COL24A1: variants seen among roughly 807,000 people sequenced by gnomAD.
The protein encoded by COL24A1 is collagen type XXIV alpha 1 chain.
A neutral mutation model predicts 253.9 loss-of-function variants in COL24A1; 224 were observed. The ratio of observed to expected loss-of-function variants is 0.88; its 90% CI spans 0.79 to 0.99. COL24A1 has a LOEUF of 0.99. Among genes scored for constraint, COL24A1 ranks in the 50% least tolerant of loss-of-function variants. The pLI is 0.00. For missense variants in COL24A1, 2,131 were observed against 2,068.5 expected (o/e 1.03, Z -0.59); for synonymous variants, 685 against 673.7 (o/e 1.02, Z -0.26).
At chr1:85,856,575 C>A (rs900627187) in intron 37 of COL24A1, among the ~76,000 whole-genome samples, 3 of 152,084 alleles carry the variant, frequency 2.0e-5, no homozygotes, top group Admixed American at 6.6e-5. Flanking sequence ...TTCTGATTAC[C>A]CTACCTAATG....
chr1:86,055,813 C>G (rs904389347), intron 10 of COL24A1, among the ~76,000 whole-genome samples: 1 of 151,998 alleles, frequency 6.6e-6, no homozygotes, highest in Admixed American at 6.6e-5. Context: ...CATCAAAAGT[C>G]ACAAAGCTAG....
In COL24A1 at chr1:85,971,906, GAA is replaced by G. The variant is rs1258568340; in HGVS notation, c.2365-515_2365-514del. 1.5e-4 allele frequency among the ~76,000 whole-genome samples: 23 copies of G among 152,278 alleles called. No individual in the cohort carries two copies. In the South Asian group the frequency reaches 3.5e-3, roughly 23 times the overall value. Reference sequence around the variant, plus strand: ...TTTTTGATACAAGATGATAAAAAGAGAAGAGGAATTTGCAGAAGAAAGTGAGT... The same window carrying G: ...TTTTTGATACAAGATGATAAAAAGAGGAGGAATTTGCAGAAGAAAGTGAGT... On this transcript the variant is annotated intron_variant, in intron 20 of 59. Coordinates refer to ENST00000370571, the MANE Select transcript of COL24A1 (RefSeq NM_152890.7).
intron 32 of COL24A1, among the ~76,000 whole-genome samples, chr1:85,886,067 CT>C (rs945817271): frequency 1.0e-3 from 152 of 145,918 alleles, no homozygotes; most frequent in Non-Finnish European, 1.1e-3. Context: ...CACACAATAA[CT>C]TTTTTTTTTT....
intron 18 of COL24A1, among the ~76,000 whole-genome samples, chr1:86,020,228 TG>T (rs1697398404): frequency 2.0e-5 from 3 of 151,878 alleles, no homozygotes; most frequent in Non-Finnish European, 2.9e-5. Flanking sequence ...CCACTATGCC[TG>T]GGTAATTTTT....
At chr1:86,098,398 AT>A (rs1208234859) in intron 5 of COL24A1, among the ~76,000 whole-genome samples, 1 of 92,974 alleles carries the variant, frequency 1.1e-5, no homozygotes, top group East Asian at 2.6e-4. Context: ...CTTCCCCCAA[AT>A]GCTGGATATA....
At chr1:86,100,044 C>A (rs944244597) in intron 5 of COL24A1, among the ~76,000 whole-genome samples, 1 of 151,892 alleles carries the variant, frequency 6.6e-6, no homozygotes, top group Non-Finnish European at 1.5e-5. Context: ...ATGTTTATTG[C>A]GGCACTATTC....
Position 85,868,644 on chromosome 1 carries a change from A to G in COL24A1, c.3193-18T>C, listed in dbSNP as rs1290533478. On this transcript the variant is annotated intron_variant, in intron 36 of 59. Transcript: ENST00000370571. ...GGTACTCCCTGTAATGCAATAAAAAAGTTTTCTATAAAGGAATACAGTGAA... is the reference window on the plus strand; with the variant it reads ...GGTACTCCCTGTAATGCAATAAAAAGGTTTTCTATAAAGGAATACAGTGAA... 1 of 1,602,260 alleles carries G rather than the reference A, an allele frequency of 6.2e-7. No individual in the cohort carries two copies.
chr1:85,999,835 A>T (rs141181982), intron 19 of COL24A1, among the ~76,000 whole-genome samples: 1 of 152,146 alleles, frequency 6.6e-6, no homozygotes, highest in African/African-American at 2.4e-5. Flanking sequence ...CACCTGGGAG[A>T]TGAGAGGGGG....
chr1:85,743,695 T>C (rs567340829), intron 57 of COL24A1, among the ~76,000 whole-genome samples: 1 of 152,302 alleles, frequency 6.6e-6, no homozygotes, highest in African/African-American at 2.4e-5. Context: ...AGAATTACAC[T>C]TTAATGCCCT....
intron 47 of COL24A1, among the ~76,000 whole-genome samples, chr1:85,808,591 A>T (rs1672217952): frequency 6.6e-6 from 1 of 152,246 alleles, no homozygotes; most frequent in Non-Finnish European, 1.5e-5. Context: ...CTGAGCAGAT[A>T]TCTTTATATT....
chr1:86,087,420 T>C (rs993925884), intron 7 of COL24A1, among the ~76,000 whole-genome samples: 1 of 152,210 alleles, frequency 6.6e-6, no homozygotes, highest in African/African-American at 2.4e-5. Context: ...AATGATAATC[T>C]GCTCTAATGG....
chr1:85,745,513 A>G lies in COL24A1; in HGVS notation c.4438-7T>C. 1 of 1,605,722 alleles carries G rather than the reference A, an allele frequency of 6.2e-7. No individual in the cohort carries two copies. The highest frequency in any genetic ancestry group is 8.5e-7 in the Non-Finnish European group (1 of 1,176,300). On this transcript the variant is annotated splice_region_variant and splice_polypyrimidine_tract_variant and intron_variant, in intron 55 of 59. Coordinates refer to ENST00000370571, the MANE Select transcript of COL24A1 (RefSeq NM_152890.7). The stretch of plus-strand genomic sequence containing the variant: ...CATTGATATCCATTTGCTTCTGTGT[A>G]AAACAAAACCATTTGAGATTAGCAA...
chr1:85,772,068 C>T (rs1287241903), intron 53 of COL24A1, among the ~76,000 whole-genome samples: 7 of 145,120 alleles, frequency 4.8e-5, no homozygotes, highest in Non-Finnish European at 9.0e-5. Flanking sequence ...TTTGTTCTTG[C>T]GATAGTTTAC....
chr1:86,074,900 A>G (rs1330708251), intron 7 of COL24A1, among the ~76,000 whole-genome samples: 1 of 152,208 alleles, frequency 6.6e-6, no homozygotes, highest in African/African-American at 2.4e-5. Flanking sequence ...ACAGTTAAGC[A>G]GTGTTTAGAG....
chr1:85,990,980 G>T (rs1012324196), intron 19 of COL24A1, among the ~76,000 whole-genome samples: 2 of 151,950 alleles, frequency 1.3e-5, no homozygotes, highest in Admixed American at 1.3e-4. Flanking sequence ...GAAAGAAGAG[G>T]ATTAAAAAAA....
At chr1:85,764,447 G>A (rs1359392153) in intron 53 of COL24A1, among the ~76,000 whole-genome samples, 2 of 138,726 alleles carry the variant, frequency 1.4e-5, no homozygotes, top group Non-Finnish European at 3.1e-5. Flanking sequence ...CTTGATCTAG[G>A]TGGAGGATAC....
intron 23 of COL24A1, among the ~76,000 whole-genome samples, chr1:85,961,793 C>A (rs868030715): frequency 1.1e-4 from 16 of 152,048 alleles, no homozygotes; most frequent in Non-Finnish European, 4.4e-5. Context: ...AGAGTGAGAG[C>A]AAAGGGTGAA....
chr1:86,092,949 T>G (rs1456814690), intron 5 of COL24A1, among the ~76,000 whole-genome samples: 1 of 152,034 alleles, frequency 6.6e-6, no homozygotes, highest in Non-Finnish European at 1.5e-5. Context: ...TATCAAAATA[T>G]TTTTATGATG....
chr1:85,745,523 C>T lies in COL24A1; in HGVS notation c.4438-17G>A. On this transcript the variant is annotated splice_polypyrimidine_tract_variant and intron_variant, in intron 55 of 59. Coordinates refer to ENST00000370571, the MANE Select transcript of COL24A1 (RefSeq NM_152890.7). ...CATTTGCTTCTGTGTAAAACAAAAC[C>T]ATTTGAGATTAGCAATAAGATCAAC... 1 of 1,595,442 alleles carries T rather than the reference C, an allele frequency of 6.3e-7. No individual in the cohort carries two copies. The highest frequency in any genetic ancestry group is 8.5e-7 in the Non-Finnish European group (1 of 1,169,902).
Sources: gnomAD v4.1 joint callset for allele counts (sites outside exome capture counted in the v4.1 genomes callset) on GRCh38, gnomAD v4.1.1 for gene constraint, MANE v1.5 for transcripts, NCBI Gene and HGNC (gene_info 2026-07-23, HGNC 2026-07-21) for gene names.